CNNM1: variants seen among roughly 807,000 people sequenced by gnomAD.
CNNM1 encodes the protein metal transporter CNNM1.
A neutral mutation model predicts 78.8 loss-of-function variants in CNNM1; 44 were observed. The ratio of observed to expected loss-of-function variants is 0.56; its 90% CI spans 0.44 to 0.72. The LOEUF (loss-of-function observed/expected upper bound fraction) is 0.72. CNNM1 is among the 30% of genes least tolerant of loss of function. The pLI, the probability that CNNM1 is intolerant of heterozygous loss-of-function variation, is 0.00. For missense variants in CNNM1, 1,101 were observed against 1,292.2 expected (o/e 0.85, Z 2.27); for synonymous variants, 584 against 581.5 (o/e 1.00, Z -0.06).
At position 99,329,876 on chromosome 10, in the gene CNNM1, A is replaced by T; in HGVS notation, c.489A>T (p.Arg163=). 7.2e-7 allele frequency: 1 copy of T among 1,395,792 alleles called. No homozygotes were observed. The highest frequency in any genetic ancestry group is 1.6e-5 in the South Asian group (1 of 61,228). 86.5% of individuals were successfully genotyped at this position (1,395,792 alleles called of 1,614,324 possible). Residue 163 remains arginine (R), a synonymous_variant, in exon 1 of 11, where the codon CGA becomes CGT. Transcript: ENST00000356713. The stretch of plus-strand genomic sequence containing the variant: ...CAGGCTCGGCCCTGGTCCAGGTGCG[A>T]GTGCGGGAGCTGCGCAAGGGCGAAG... ...GVAGSALVQV[R]VRELRKGEAE...
At chr10:99,365,166 C>T (rs1303292900) in intron 6 of CNNM1, 164 bp downstream of exon 6, 6 of 731,840 alleles carry the variant, frequency 8.2e-6, no homozygotes, top group Non-Finnish European at 1.5e-5. Flanking sequence ...GCCAGGTACC[C>T]ACAGACCATG....
chr10:99,376,994 TC>T, intron 6 of CNNM1, 60 bp from the exon 7 acceptor site: 2 of 467,432 alleles, frequency 4.3e-6, no homozygotes, highest in Non-Finnish European at 8.5e-6. Flanking sequence ...TCTCCCTCCC[TC>T]CCCCTTCTTC....
intron 1 of CNNM1, among the ~76,000 whole-genome samples, chr10:99,342,313 G>A (rs1418951930): frequency 6.6e-6 from 1 of 152,180 alleles, no homozygotes; most frequent in East Asian, 1.9e-4. Context: ...TTGTTACTCT[G>A]CTATTTTTAC....
intron 4 of CNNM1, among the ~76,000 whole-genome samples, chr10:99,363,793 G>A (rs1427512834): frequency 1.4e-5 from 2 of 138,186 alleles, no homozygotes; most frequent in African/African-American, 2.8e-5. Flanking sequence ...CACCCAGGCT[G>A]GAGTGCAGTG....
chr10:99,365,411 C>G (rs909872342), intron 6 of CNNM1, among the ~76,000 whole-genome samples: 1 of 152,196 alleles, frequency 6.6e-6, no homozygotes, highest in African/African-American at 2.4e-5. Flanking sequence ...GGGGTTTGTC[C>G]TCAGTAAGAA....
intron 1 of CNNM1, among the ~76,000 whole-genome samples, chr10:99,332,696 G>C (rs2029973373): frequency 6.6e-6 from 1 of 152,182 alleles, no homozygotes; most frequent in Non-Finnish European, 1.5e-5. Flanking sequence ...TAGCCTGGAA[G>C]GGGGGAAAAA....
chr10:99,330,898 G>C lies in CNNM1; in HGVS notation c.1511G>C (p.Arg504Pro), dbSNP rs1564935234. The C allele has an allele frequency of 6.2e-7, 1 of 1,613,924 alleles. No individual in the cohort carries two copies. The highest frequency in any genetic ancestry group is 8.5e-7 in the Non-Finnish European group (1 of 1,180,038). The part of the protein sequence containing the change: ...PLLTVTRFYN[R>P]PLHCVFNDTR... ...CTCACTGTCACCCGCTTCTACAACC[G>C]GCCCCTGCATTGTGTTTTCAATGAC... is the stretch of plus-strand genomic sequence containing the variant. Residue 504 changes from arginine to proline, a missense_variant, in exon 1 of 11, where the codon CGG (arginine) becomes CCG (proline). Arg to Pro is a moderately radical substitution (Grantham distance 103, BLOSUM62 -2). Coordinates refer to ENST00000356713, the MANE Select transcript of CNNM1 (RefSeq NM_020348.3).
At chr10:99,379,424 G>A (rs6584273) in intron 7 of CNNM1, among the ~76,000 whole-genome samples, 13,740 of 152,140 alleles carry the variant, frequency 0.09, 1,148 homozygotes, top group African/African-American at 0.22. Flanking sequence ...CAGACAGGCC[G>A]AGAAAGGACA....
At chr10:99,340,590 T>C (rs1452995571) in intron 1 of CNNM1, among the ~76,000 whole-genome samples, 1 of 152,148 alleles carries the variant, frequency 6.6e-6, no homozygotes, top group African/African-American at 2.4e-5. Flanking sequence ...ACGAGTTCCT[T>C]CTAGGCCCAT....
At chr10:99,337,531 A>T (rs932304574) in intron 1 of CNNM1, among the ~76,000 whole-genome samples, 1 of 152,218 alleles carries the variant, frequency 6.6e-6, no homozygotes, top group African/African-American at 2.4e-5. Context: ...GCTCTTTGAC[A>T]CTCAGCTCAG....
At position 99,364,998 on chromosome 10, in the gene CNNM1, C is replaced by A. The variant is rs749769941; in HGVS notation, c.2172C>A (p.Val724=). The A allele has an allele frequency of 2.1e-4, 345 of 1,613,820 alleles. 1 individual carries two copies. Among genetic ancestry groups the A allele is most frequent in the Non-Finnish European group, 2.5e-4 (295 of 1,179,862 alleles). Residue 724 remains valine, a synonymous_variant, in exon 6 of 11, where the codon GTC becomes GTA. Transcript: ENST00000356713. ...RKVGSLAGSS[V]FLNRSPSRCS... The stretch of plus-strand genomic sequence containing the variant: ...TTGGAAGTCTGGCTGGATCTTCTGT[C>A]TTTCGTATGTATCTCTCAAACCCCT...
intron 1 of CNNM1, among the ~76,000 whole-genome samples, chr10:99,332,509 C>T (rs946701117): frequency 7.0e-6 from 1 of 143,290 alleles, no homozygotes; most frequent in Non-Finnish European, 1.5e-5. Flanking sequence ...GAGCAAGACC[C>T]TGTCTCAAAA....
At chr10:99,381,825 CT>C (rs576837242) in intron 7 of CNNM1, among the ~76,000 whole-genome samples, 2 of 149,998 alleles carry the variant, frequency 1.3e-5, no homozygotes, top group Admixed American at 6.6e-5. Context: ...AGTTCAAGCT[CT>C]TTTTTTTAAC....
chr10:99,337,637 T>C (rs998563629), intron 1 of CNNM1, among the ~76,000 whole-genome samples: 3 of 152,224 alleles, frequency 2.0e-5, no homozygotes, highest in African/African-American at 7.2e-5. Context: ...ATCTCAATCA[T>C]TGAACTAACA....
At position 99,391,684 on chromosome 10, in the gene CNNM1, A is replaced by C; in HGVS notation, c.*168A>C. The stretch of plus-strand genomic sequence containing the variant: ...TCAGTTTGGCAGATTTTCCCTCGTT[A>C]CCTCCAGTTCGACTCAGAACCTTGA... On this transcript the variant is annotated 3_prime_UTR_variant, in exon 11 of 11. Transcript: ENST00000356713. 1.7e-6 allele frequency: 1 copy of C among 600,382 alleles called. No individual in the cohort carries two copies. Among genetic ancestry groups the C allele is most frequent in the Non-Finnish European group, 3.0e-6 (1 of 337,940 alleles). The allele number at this position is 600,382 out of a possible 1,614,324, so 37.2% of individuals were successfully genotyped here.
intron 1 of CNNM1, among the ~76,000 whole-genome samples, chr10:99,334,785 C>T (rs1300080129): frequency 1.3e-5 from 2 of 152,184 alleles, no homozygotes; most frequent in African/African-American, 2.4e-5. Context: ...AGGAAAATGA[C>T]GATATTAATA....
chr10:99,391,304 GGTTA>G, intron 10 of CNNM1, 129 bp from the exon 11 acceptor site: 1 of 653,022 alleles, frequency 1.5e-6, no homozygotes. Flanking sequence ...ATACAATGCC[GGTTA>G]GTTCTAACCA....
At position 99,333,990 on chromosome 10, in the gene CNNM1, C is replaced by T. The variant is rs537253209; in HGVS notation, c.1573+3030C>T. Among the ~76,000 whole-genome samples the T allele has an allele frequency of 2.6e-5, 4 of 152,296 alleles. No individual in the cohort carries two copies. In the East Asian group the frequency reaches 7.7e-4, roughly 29 times the overall value. ...ATACCAAGGAAGATATTTCCACTTC[C>T]TTTCATAGCCTTGCTACTTCCTCAA... On this transcript the variant is annotated intron_variant, in intron 1 of 10. Coordinates refer to ENST00000356713, the MANE Select transcript of CNNM1 (RefSeq NM_020348.3).
At chr10:99,351,582 A>T (rs1268152581) in intron 1 of CNNM1, among the ~76,000 whole-genome samples, 1 of 152,174 alleles carries the variant, frequency 6.6e-6, no homozygotes, top group African/African-American at 2.4e-5. Flanking sequence ...GGTTTCTGAA[A>T]GATGTGAACC....
Sources: gnomAD v4.1 joint callset for allele counts (sites outside exome capture counted in the v4.1 genomes callset) on GRCh38, gnomAD v4.1.1 for gene constraint, MANE v1.5 for transcripts, NCBI Gene and HGNC (gene_info 2026-07-23, HGNC 2026-07-21) for gene names.